The following DAB1 variants were observed in gnomAD, a reference collection of about 807,000 sequenced individuals.
DAB1 encodes disabled homolog 1.
Under a neutral mutation model 64.6 loss-of-function variants are expected in DAB1, and 15 were observed. That is an observed-to-expected ratio of 0.23 (90% CI 0.16 to 0.36). The LOEUF (loss-of-function observed/expected upper bound fraction) is 0.36, where lower values mean the gene tolerates loss of function less well. Among genes scored for constraint, DAB1 ranks in the 10% least tolerant of loss-of-function variants. The probability of loss-of-function intolerance (pLI) is 1.00; values close to 1 mark genes in which losing one functional copy is unlikely to be tolerated. For synonymous variants in DAB1, 235 were observed against 251.9 expected (o/e 0.93, Z 0.64); for missense variants, 596 against 706.7 (o/e 0.84, Z 1.78).
intron 1 of DAB1, among the ~76,000 whole-genome samples, chr1:57,866,814 T>C (rs1654322711): frequency 6.6e-6 from 1 of 152,182 alleles, no homozygotes; most frequent in African/African-American, 2.4e-5. Context: ...CCCTTCCTTC[T>C]TTCCCTTGAA....
In DAB1 at chr1:58,411,499, T is replaced by A. The variant is rs187008448; in HGVS notation, n.258-68096A>T. The stretch of plus-strand genomic sequence containing the variant: ...TACAGAATGCTGTGGGAGCCTCTAA[T>A]CCATTTGGGGTGGTGGTCAGGGAAG... On this transcript the variant is annotated intron_variant and non_coding_transcript_variant, in intron 3 of 20. Transcript: ENST00000485760. 3.9e-3 allele frequency among the ~76,000 whole-genome samples: 592 copies of A among 152,236 alleles called. 3 individuals are homozygous for A. Among genetic ancestry groups the A allele is most frequent in the Non-Finnish European group, 6.4e-3 (436 of 68,004 alleles).
intron 1 of DAB1, among the ~76,000 whole-genome samples, chr1:57,333,608 C>T (rs1010228524): frequency 2.0e-5 from 3 of 152,224 alleles, no homozygotes; most frequent in African/African-American, 2.4e-5. Context: ...GAATTAAATT[C>T]TCAGGGATCA....
At chr1:58,476,750 T>A (rs1239549161) in intron 3 of DAB1, among the ~76,000 whole-genome samples, 1 of 152,238 alleles carries the variant, frequency 6.6e-6, no homozygotes, top group African/African-American at 2.4e-5. Flanking sequence ...CATAGACTAT[T>A]AAAATGGGTG....
intron 3 of DAB1, among the ~76,000 whole-genome samples, chr1:58,485,140 C>G (rs990218349): frequency 2.9e-5 from 4 of 139,084 alleles, no homozygotes; most frequent in African/African-American, 1.1e-4. Flanking sequence ...TGTGAGTATG[C>G]GGGGACAGAT....
intron 6 of DAB1, among the ~76,000 whole-genome samples, chr1:57,707,995 C>A (rs1244638894): frequency 2.0e-5 from 3 of 152,062 alleles, no homozygotes; most frequent in Admixed American, 6.5e-5. Flanking sequence ...ATGTGGGCTG[C>A]CCTGAGTTAG....
At chr1:58,143,618 A>G (rs1570411189) in intron 5 of DAB1, among the ~76,000 whole-genome samples, 1 of 152,324 alleles carries the variant, frequency 6.6e-6, no homozygotes, top group East Asian at 1.9e-4. Context: ...CAATAACAGC[A>G]CTTATTATTG....
chr1:57,598,645 T>C (rs1258933902), intron 7 of DAB1, among the ~76,000 whole-genome samples: 1 of 152,138 alleles, frequency 6.6e-6, no homozygotes, highest in Non-Finnish European at 1.5e-5. Flanking sequence ...GGGAGGCTGG[T>C]GGGCTGGCTG....
chr1:57,730,261 G>A (rs570952466), intron 6 of DAB1, among the ~76,000 whole-genome samples: 7 of 152,314 alleles, frequency 4.6e-5, no homozygotes, highest in African/African-American at 1.7e-4. Context: ...AAAACAAGAG[G>A]TTCAGGGGCA....
intron 2 of DAB1, among the ~76,000 whole-genome samples, chr1:57,210,526 T>C (rs1487714770): frequency 6.6e-6 from 1 of 152,134 alleles, no homozygotes; most frequent in Non-Finnish European, 1.5e-5. Context: ...AAGGGCCGTG[T>C]CTCCTAGACT....
At chr1:58,418,226 A>G (rs1173508726) in intron 3 of DAB1, among the ~76,000 whole-genome samples, 1 of 152,192 alleles carries the variant, frequency 6.6e-6, no homozygotes, top group African/African-American at 2.4e-5. Context: ...CTTTAGTCTA[A>G]TTTATCAGGA....
intron 3 of DAB1, among the ~76,000 whole-genome samples, chr1:58,446,918 G>GA (rs1379190496): frequency 6.6e-6 from 1 of 152,200 alleles, no homozygotes; most frequent in Non-Finnish European, 1.5e-5. Context: ...ACTCCTGAGG[G>GA]ATGACAAGCT....
chr1:58,079,291 C>G (rs1214859247), intron 5 of DAB1, among the ~76,000 whole-genome samples: 1 of 152,120 alleles, frequency 6.6e-6, no homozygotes, highest in Non-Finnish European at 1.5e-5. Flanking sequence ...AGAAACAACA[C>G]CCTCCACTGC....
Position 58,494,908 on chromosome 1 carries a change from C to T in DAB1, n.257+11152G>A, listed in dbSNP as rs1308878139. Among the ~76,000 whole-genome samples the T allele has an allele frequency of 4.6e-5, 7 of 152,280 alleles. No homozygotes were observed. The East Asian group carries it at 1.2e-3, about 25-fold the overall frequency. ...TAGAAATACCATTTGACCCAGCCATCGCATTACTGGGTATATACCTAAAGG... is the reference window on the plus strand; with the variant it reads ...TAGAAATACCATTTGACCCAGCCATTGCATTACTGGGTATATACCTAAAGG... On this transcript the variant is annotated intron_variant and non_coding_transcript_variant, in intron 3 of 20. Transcript: ENST00000485760.
At chr1:57,314,131 G>A (rs1674978823) in intron 1 of DAB1, among the ~76,000 whole-genome samples, 2 of 152,174 alleles carry the variant, frequency 1.3e-5, no homozygotes, top group Admixed American at 1.3e-4. Context: ...AGAGACATGA[G>A]TTTGTTCCCT....
At chr1:58,473,870 A>G (rs1162345637) in intron 3 of DAB1, 2 of 737,622 alleles carry the variant, frequency 2.7e-6, no homozygotes, top group Non-Finnish European at 2.1e-6. Context: ...TTTCCTTCAC[A>G]TTTCAACTCC....
At chr1:57,167,366 T>C (rs1661296564) in intron 2 of DAB1, among the ~76,000 whole-genome samples, 1 of 152,190 alleles carries the variant, frequency 6.6e-6, no homozygotes, top group Admixed American at 6.5e-5. Flanking sequence ...CTGGACACTT[T>C]ACTGCCCCCT....
chr1:57,730,548 AG>A (rs1647365468), intron 6 of DAB1, among the ~76,000 whole-genome samples: 2 of 152,190 alleles, frequency 1.3e-5, no homozygotes, highest in Admixed American at 1.3e-4. Flanking sequence ...GAGTTTTGGA[AG>A]GATACGTAGT....
At chr1:57,496,425 A>C (rs1644231301) in intron 7 of DAB1, among the ~76,000 whole-genome samples, 1 of 152,186 alleles carries the variant, frequency 6.6e-6, no homozygotes, top group Non-Finnish European at 1.5e-5. Context: ...AAAAACACAC[A>C]CAGAACCTTC....
intron 6 of DAB1, among the ~76,000 whole-genome samples, chr1:57,764,797 T>C (rs975367448): frequency 1.3e-5 from 2 of 152,188 alleles, no homozygotes; most frequent in Non-Finnish European, 2.9e-5. Flanking sequence ...ACAAAGATGA[T>C]CAAATGGTTG....
Sources: allele counts gnomAD v4.1 joint callset (sites outside exome capture counted in the v4.1 genomes callset), GRCh38; gene constraint gnomAD v4.1.1; transcripts MANE v1.5; gene names NCBI Gene and HGNC (gene_info 2026-07-23, HGNC 2026-07-21).